MMAA: variants seen among roughly 807,000 people sequenced by gnomAD.
The protein encoded by MMAA is metabolism of cobalamin associated A.
In MMAA, 41 loss-of-function variants were observed where a neutral mutation model predicts 45.0. The ratio of observed to expected loss-of-function variants is 0.91; its 90% CI spans 0.71 to 1.18. MMAA has a LOEUF of 1.18. Ranked by LOEUF, MMAA falls within the 50% of genes most tolerant of loss-of-function variation. The pLI is 0.00. For synonymous variants in MMAA, 154 were observed against 178.2 expected (o/e 0.86, Z 1.08); for missense variants, 460 against 495.7 (o/e 0.93, Z 0.68).
chr4:145,650,466 TG>T (rs1490145840), intron 4 of MMAA: 2 of 158,242 alleles, frequency 1.3e-5, no homozygotes, highest in African/African-American at 4.8e-5. Context: ...GGGGAGATTA[TG>T]GGACAGTGAA....
chr4:145,650,660 A>G (rs573680227), intron 4 of MMAA: 1 of 259,592 alleles, frequency 3.9e-6, no homozygotes, highest in South Asian at 4.9e-5. Context: ...GGATTGATCC[A>G]TACATAATTG....
At chr4:145,633,578 G>C (rs1317237164) in intron 1 of MMAA, among the ~76,000 whole-genome samples, 1 of 152,186 alleles carries the variant, frequency 6.6e-6, no homozygotes, top group Non-Finnish European at 1.5e-5. Context: ...TATTTCTCCA[G>C]GATTGGTGCC....
At chr4:145,651,013 T>C in intron 4 of MMAA, 49 bp from the exon 5 acceptor site, 1 of 1,530,460 alleles carries the variant, frequency 6.5e-7, no homozygotes, top group Non-Finnish European at 9.1e-7. Flanking sequence ...GTTGAGAAAG[T>C]CAAATAATGG....
chr4:145,638,988 A>G (rs1727698402), intron 1 of MMAA, 87 bp from the exon 2 acceptor site: 4 of 696,274 alleles, frequency 5.7e-6, no homozygotes, highest in East Asian at 2.7e-5. Context: ...GGTTTAGAAT[A>G]TGGGGGAAAC....
chr4:145,648,411 A>G (rs1417497211), intron 4 of MMAA, among the ~76,000 whole-genome samples: 3 of 152,160 alleles, frequency 2.0e-5, no homozygotes, highest in African/African-American at 7.2e-5. Flanking sequence ...CTGCCAAAGT[A>G]TTGGGATTAC....
intron 1 of MMAA, among the ~76,000 whole-genome samples, chr4:145,636,391 C>A (rs1253675898): frequency 6.6e-6 from 1 of 152,212 alleles, no homozygotes; most frequent in East Asian, 1.9e-4. Flanking sequence ...CGTGTCACTG[C>A]TTCTAGAGTT....
chr4:145,642,203 C>G, intron 2 of MMAA, 160 bp from the exon 3 acceptor site: 1 of 819,958 alleles, frequency 1.2e-6, no homozygotes, highest in Non-Finnish European at 1.9e-6. Context: ...ATTAAAGAAA[C>G]AGATTTTTAT....
chr4:145,654,605 A>G (rs2126629465), intron 6 of MMAA, among the ~76,000 whole-genome samples: 1 of 152,312 alleles, frequency 6.6e-6, no homozygotes, highest in Middle Eastern at 3.4e-3. Flanking sequence ...ATAAGCTGTA[A>G]TCATTATAAT....
intron 1 of MMAA, among the ~76,000 whole-genome samples, chr4:145,631,596 C>T (rs1578872685): frequency 6.6e-6 from 1 of 151,876 alleles, no homozygotes; most frequent in South Asian, 2.1e-4. Context: ...TTTTTTTTAT[C>T]CATTCCACCA....
chr4:145,655,351 C>G lies in MMAA; in HGVS notation c.1174C>G (p.Leu392Val). 6.2e-7 allele frequency: 1 copy of G among 1,614,208 alleles called. No individual in the cohort carries two copies. The highest frequency in any genetic ancestry group is 1.1e-5 in the South Asian group (1 of 91,084). Residue 392 changes from leucine to valine, a missense_variant, in exon 7 of 7, where the codon CTG (leucine) becomes GTG (valine). By Grantham distance (32) the Leu-to-Val change is conservative. Coordinates refer to ENST00000649156, the MANE Select transcript of MMAA (RefSeq NM_172250.3). Reference protein sequence around the residue: ...HPTVREQIPLLEQKVLIGALS... With the variant: ...HPTVREQIPLVEQKVLIGALS... ...CACAGTCCGGGAACAGATTCCACTT[C>G]TGGAACAAAAGGTTCTCATTGGGGC...
At position 145,625,864 on chromosome 4, in the gene MMAA, G is replaced by A. The variant is rs1285299657; in HGVS notation, c.-66+6457G>A. The A allele has an allele frequency of 1.1e-5, 15 of 1,358,802 alleles. 1 individual carries two copies. The Middle Eastern group carries it at 7.3e-4, about 67-fold the overall frequency. 84.2% of individuals were successfully genotyped at this position (1,358,802 alleles called of 1,614,324 possible). A position where few individuals can be genotyped will look rare whatever the true frequency, so the allele number is the denominator to read the frequency against. On this transcript the variant is annotated intron_variant, in intron 1 of 6. Coordinates refer to ENST00000649156, the MANE Select transcript of MMAA (RefSeq NM_172250.3). Reference sequence around the variant, plus strand: ...TGGCTTCTAAGACGTTCCAGATGACGGGTTATGCAACTGTGAATCTGAGCT... The same window carrying A: ...TGGCTTCTAAGACGTTCCAGATGACAGGTTATGCAACTGTGAATCTGAGCT...
chr4:145,620,304 G>T (rs1441185618), intron 1 of MMAA, among the ~76,000 whole-genome samples: 2 of 152,174 alleles, frequency 1.3e-5, no homozygotes, highest in Non-Finnish European at 2.9e-5. Flanking sequence ...AGCATGAAAA[G>T]TTACATATCC....
Position 145,654,072 on chromosome 4 carries a change from C to T in MMAA, c.898C>T (p.Arg300Ter), listed in dbSNP as rs1340736923. ...KSDGDLIVPARRIQAEYVSAL... is the reference protein window; with the variant it reads ...KSDGDLIVPA ...TGATGGAGACTTGATTGTGCCAGCTCGAAGGATACAAGCGGAATATGTGAG... is the reference window on the plus strand; with the variant it reads ...TGATGGAGACTTGATTGTGCCAGCTTGAAGGATACAAGCGGAATATGTGAG... The change falls in exon 6 of 7, where the codon CGA (arginine) becomes TGA (stop). Residue 300 changes from arginine (R) to a stop codon, truncating the protein, a stop_gained. Coordinates refer to ENST00000649156, the MANE Select transcript of MMAA (RefSeq NM_172250.3). LOFTEE classifies it high-confidence loss of function. 6.2e-7 allele frequency: 1 copy of T among 1,614,080 alleles called. No homozygotes were observed. Among genetic ancestry groups the T allele is most frequent in the Non-Finnish European group, 8.5e-7 (1 of 1,180,000 alleles).
At chr4:145,635,357 G>C (rs980779399) in intron 1 of MMAA, among the ~76,000 whole-genome samples, 2 of 152,124 alleles carry the variant, frequency 1.3e-5, no homozygotes, top group Non-Finnish European at 2.9e-5. Flanking sequence ...CTATAACAGG[G>C]CGGCACTGAG....
intron 1 of MMAA, among the ~76,000 whole-genome samples, chr4:145,634,683 G>A (rs1727559293): frequency 6.6e-6 from 1 of 151,966 alleles, no homozygotes; most frequent in African/African-American, 2.4e-5. Context: ...CTTACCTGAA[G>A]CTAGCAAGTT....
rs1190139288 is a variant in MMAA at position 145,654,017 on chromosome 4, G to A, written c.843G>A (p.Glu281=). 6.2e-7 allele frequency: 1 copy of A among 1,614,204 alleles called. No homozygotes were observed. Among genetic ancestry groups the A allele is most frequent in the South Asian group, 1.1e-5 (1 of 91,084 alleles). ...AGGGTATCAAAAGGGGTATAATCGA[G>A]ATGGCAGATCTGGTAGCTGTAACTA... ...ELQGIKRGII[E]MADLVAVTKS... is the part of the protein sequence containing the mutation. The change falls in exon 6 of 7, where the codon GAG becomes GAA. Residue 281 remains glutamate (E), a synonymous_variant. Transcript: ENST00000649156.
At chr4:145,645,799 T>C (rs1213606482) in intron 3 of MMAA, among the ~76,000 whole-genome samples, 187 bp from the exon 4 acceptor site, 1 of 152,158 alleles carries the variant, frequency 6.6e-6, no homozygotes, top group African/African-American at 2.4e-5. Flanking sequence ...TTATAGATTT[T>C]GAGGGGCTTG....
intron 5 of MMAA, 62 bp downstream of exon 5, chr4:145,651,209 C>T: frequency 7.0e-7 from 1 of 1,429,350 alleles, no homozygotes; most frequent in South Asian, 1.2e-5. Flanking sequence ...ATAAAAATTT[C>T]CAATGTTGTG....
At chr4:145,628,778 A>T (rs987717049) in intron 1 of MMAA, among the ~76,000 whole-genome samples, 2 of 152,222 alleles carry the variant, frequency 1.3e-5, no homozygotes. Context: ...TGCTGTTTTT[A>T]AAAAAGCAGA....
Sources: gnomAD v4.1 joint callset for allele counts (sites outside exome capture counted in the v4.1 genomes callset) on GRCh38, gnomAD v4.1.1 for gene constraint, MANE v1.5 for transcripts, NCBI Gene and HGNC (gene_info 2026-07-23, HGNC 2026-07-21) for gene names.